Variants in NAPG observed in about 807,000 individuals in gnomAD.
The protein encoded by NAPG is gamma-soluble NSF attachment protein.
NAPG carries 25 observed loss-of-function variants against 48.4 expected under a neutral mutation model. The observed-to-expected ratio is 0.52, with a 90% confidence interval of 0.38 to 0.72. The LOEUF (loss-of-function observed/expected upper bound fraction) is 0.72. Among genes scored for constraint, NAPG ranks in the 30% least tolerant of loss-of-function variants. NAPG has a pLI of 0.00. For synonymous variants in NAPG, 139 were observed against 127.2 expected (o/e 1.09, Z -0.62); for missense variants, 359 against 372.5 (o/e 0.96, Z 0.30).
At chr18:10,526,246 G>GTGGGC in intron 1 of NAPG, 88 bp downstream of exon 1, 4 of 490,184 alleles carry the variant, frequency 8.2e-6, no homozygotes, top group Non-Finnish European at 1.2e-5. Context: ...GGGCGGGAGG[G>GTGGGC]AGGGCTCAGG....
Position 10,548,624 on chromosome 18 carries a change from G to T in NAPG, c.665+246G>T. On this transcript the variant is annotated intron_variant, in intron 10 of 11. Transcript: ENST00000322897. This position sits in a 1 kb window ranked among gnomAD's most constrained non-coding sequence, Gnocchi z 4.4. ...TTTAGTCATTTTAGTCATTTTATTT[G>T]CCTTCTAAGAAAAAAAGAACAAGAA... is the stretch of plus-strand genomic sequence containing the variant. 6.8e-6 allele frequency among the ~76,000 whole-genome samples: 1 copy of T among 146,556 alleles called. No individual in the cohort carries two copies. The highest frequency in any genetic ancestry group is 2.5e-5 in the African/African-American group (1 of 39,234).
chr18:10,540,159 C>A, intron 7 of NAPG, 105 bp downstream of exon 7: 1 of 1,094,658 alleles, frequency 9.1e-7, no homozygotes, highest in Non-Finnish European at 1.3e-6. Flanking sequence ...CTTTTCCCTG[C>A]TCACAGTTGC....
chr18:10,527,253 A>G (rs1224236633), intron 1 of NAPG, among the ~76,000 whole-genome samples: 4 of 151,196 alleles, frequency 2.6e-5, no homozygotes, highest in Middle Eastern at 3.4e-3. Context: ...CTTCACATAC[A>G]TAATTTCATA....
At position 10,537,117 on chromosome 18, in the gene NAPG, C is replaced by A. The variant is rs548501404; in HGVS notation, c.258+2621C>A. Reference sequence around the variant, plus strand: ...GACTATAGGTGCATGTCACCATGCCCTGCTAATTTTTTAATTTTTTTGGTA... The same window carrying A: ...GACTATAGGTGCATGTCACCATGCCATGCTAATTTTTTAATTTTTTTGGTA... On this transcript the variant is annotated intron_variant, in intron 5 of 11. Transcript: ENST00000322897. Among the ~76,000 whole-genome samples, 3 of 152,104 alleles carry A rather than the reference C, an allele frequency of 2.0e-5. No homozygotes were observed. In the East Asian group the frequency reaches 5.8e-4, roughly 29 times the overall value.
intron 7 of NAPG, 80 bp downstream of exon 7, chr18:10,540,134 T>G: frequency 8.0e-7 from 1 of 1,256,340 alleles, no homozygotes; most frequent in South Asian, 1.4e-5. Context: ...AGAAGTGCAG[T>G]GGCTACTTTT....
chr18:10,542,163 C>T lies in NAPG; in HGVS notation c.506+1764C>T, dbSNP rs747123821. On this transcript the variant is annotated intron_variant, in intron 8 of 11. Transcript: ENST00000322897. The surrounding 1 kb of genome is among the most constrained non-coding windows in gnomAD (Gnocchi z 4.5). ...GTGAGCAGCAGAAGTGAGAATGCTG[C>T]GTAGATGTGCTCAAAGGGCACATTT... 6.0e-5 allele frequency among the ~76,000 whole-genome samples: 9 copies of T among 151,208 alleles called. No individual in the cohort carries two copies. The highest frequency in any genetic ancestry group is 1.3e-4 in the Admixed American group (2 of 15,228).
At chr18:10,532,527 A>G (rs1362723024) in intron 2 of NAPG, among the ~76,000 whole-genome samples, 184 bp from the exon 3 acceptor site, 8 of 152,236 alleles carry the variant, frequency 5.3e-5, no homozygotes, top group Admixed American at 5.2e-4. Flanking sequence ...CTCGTAAGTT[A>G]CCAATAATTG....
In NAPG at chr18:10,526,169, A is replaced by G; in HGVS notation, c.56+11A>G. 1 of 1,463,640 alleles carries G rather than the reference A, an allele frequency of 6.8e-7. No individual in the cohort carries two copies. Among genetic ancestry groups the G allele is most frequent in the Non-Finnish European group, 9.2e-7 (1 of 1,089,456 alleles). 90.7% of individuals were successfully genotyped at this position (1,463,640 alleles called of 1,614,324 possible). The stretch of plus-strand genomic sequence containing the variant: ...CAAAGCAGAGAAATAGTGAGTGAGA[A>G]CCTTCCGGGGGCCTGTGTGTAGACG... On this transcript the variant is annotated intron_variant, in intron 1 of 11. Transcript: ENST00000322897.
intron 5 of NAPG, among the ~76,000 whole-genome samples, chr18:10,538,287 G>A (rs932846085): frequency 3.3e-5 from 5 of 152,130 alleles, no homozygotes; most frequent in Middle Eastern, 3.2e-3. Context: ...GTGAAGAGCG[G>A]GGAGAAGCGC....
At chr18:10,547,911 T>TCC (rs76352970) in intron 9 of NAPG, among the ~76,000 whole-genome samples, 40 of 152,132 alleles carry the variant, frequency 2.6e-4, no homozygotes, top group East Asian at 5.8e-4. Flanking sequence ...GTGTTACGGG[T>TCC]CCCCCCCACT....
intron 1 of NAPG, among the ~76,000 whole-genome samples, chr18:10,529,972 A>C (rs2031894764): frequency 6.6e-6 from 1 of 152,204 alleles, no homozygotes; most frequent in South Asian, 2.1e-4. Flanking sequence ...CCCAAATTTG[A>C]CAGTTACTGA....
chr18:10,530,821 T>G lies in NAPG; in HGVS notation c.108T>G (p.Ser36=). 1.9e-6 allele frequency: 3 copies of G among 1,584,986 alleles called. No homozygotes were observed. Among genetic ancestry groups the G allele is most frequent in the Non-Finnish European group, 2.6e-6 (3 of 1,166,830 alleles). Residue 36 remains serine (S), a synonymous_variant, in exon 2 of 12, where the codon TCT becomes TCG. Coordinates refer to ENST00000322897, the MANE Select transcript of NAPG (RefSeq NM_003826.3). Reference sequence around the variant, plus strand: ...AGCCAGATTATGACAGTGCCGCTTCTGAATATGGAAAAGCAGGTATTTTTG... The same window carrying G: ...AGCCAGATTATGACAGTGCCGCTTCGGAATATGGAAAAGCAGGTATTTTTG... ...KWKPDYDSAA[S]EYGKAAVAFK...
chr18:10,527,121 G>A (rs1319858048), intron 1 of NAPG, among the ~76,000 whole-genome samples: 1 of 148,920 alleles, frequency 6.7e-6, no homozygotes, highest in Non-Finnish European at 1.5e-5. Context: ...CCGGAAGGCA[G>A]AGCTTGCAGT....
At chr18:10,536,589 A>G (rs939977714) in intron 5 of NAPG, among the ~76,000 whole-genome samples, 2 of 152,148 alleles carry the variant, frequency 1.3e-5, no homozygotes, top group Admixed American at 1.3e-4. Context: ...TTTTTTATGG[A>G]GAAGTATCAA....
intron 1 of NAPG, among the ~76,000 whole-genome samples, chr18:10,527,188 A>AG (rs1403640198): frequency 6.0e-5 from 3 of 49,624 alleles, no homozygotes; most frequent in Non-Finnish European, 1.1e-4. Context: ...ACTCCGTCTC[A>AG]AAAAAAAAAA....
In NAPG at chr18:10,543,975, T is replaced by C. The variant is rs2032208921; in HGVS notation, c.507-2351T>C. Reference sequence around the variant, plus strand: ...TATTAGCACATAGAAATGCTAATATTATGTCAAGGAAATAAACAGTTTATG... The same window carrying C: ...TATTAGCACATAGAAATGCTAATATCATGTCAAGGAAATAAACAGTTTATG... On this transcript the variant is annotated intron_variant, in intron 8 of 11. Transcript: ENST00000322897. The surrounding 1 kb of genome is among the most constrained non-coding windows in gnomAD (Gnocchi z 4.4). 6.6e-6 allele frequency among the ~76,000 whole-genome samples: 1 copy of C among 152,190 alleles called. No homozygotes were observed. Among genetic ancestry groups the C allele is most frequent in the African/African-American group, 2.4e-5 (1 of 41,442 alleles).
chr18:10,534,282 A>G lies in NAPG; in HGVS notation c.228-184A>G, dbSNP rs1489225087. On this transcript the variant is annotated intron_variant, in intron 4 of 11. Transcript: ENST00000322897. The surrounding 1 kb of genome is among the most constrained non-coding windows in gnomAD (Gnocchi z 5.0). ...ACTCAAATGTCTGATGTTCTAAGCC[A>G]TTATTCCCCACAAAAAAAGAATAAA... Among the ~76,000 whole-genome samples, 1 of 152,352 alleles carries G rather than the reference A, an allele frequency of 6.6e-6. No individual in the cohort carries two copies. The highest frequency in any genetic ancestry group is 2.1e-4 in the South Asian group (1 of 4,832).
chr18:10,548,884 ACATGCCAGGGGCAGAAT>A lies in NAPG; in HGVS notation c.666-79_666-63del. On this transcript the variant is annotated intron_variant, in intron 10 of 11. Coordinates refer to ENST00000322897, the MANE Select transcript of NAPG (RefSeq NM_003826.3). The surrounding 1 kb of genome is among the most constrained non-coding windows in gnomAD (Gnocchi z 4.4). ...TACCAAAATGTCTCCAGACAGTGTC[ACATGCCAGGGGCAGAAT>A]CATCCCTGCCTGAGATGTGTTCTTT... 1.3e-6 allele frequency: 2 copies of A among 1,516,430 alleles called. No individual in the cohort carries two copies. The highest frequency in any genetic ancestry group is 1.8e-6 in the Non-Finnish European group (2 of 1,120,860). The allele number at this position is 1,516,430 out of a possible 1,614,324, so 93.9% of individuals were successfully genotyped here. A position where few individuals can be genotyped will look rare whatever the true frequency, so the allele number is the denominator to read the frequency against.
intron 1 of NAPG, among the ~76,000 whole-genome samples, chr18:10,527,986 G>C (rs1454889095): frequency 6.6e-6 from 1 of 152,132 alleles, no homozygotes; most frequent in Non-Finnish European, 1.5e-5. Flanking sequence ...AGGAGTTCGA[G>C]ACCAGCCTGG....
Sources: gnomAD v4.1 joint callset for allele counts (sites outside exome capture counted in the v4.1 genomes callset) on GRCh38, gnomAD v4.1.1 for gene constraint, Gnocchi (gnomAD v3.1) non-coding constraint, MANE v1.5 for transcripts, NCBI Gene and HGNC (gene_info 2026-07-23, HGNC 2026-07-21) for gene names.